Variants in NFIA observed in about 807,000 individuals in gnomAD.
The protein encoded by NFIA is nuclear factor 1 A-type.
NFIA carries 8 observed loss-of-function variants against 62.8 expected under a neutral mutation model. The observed-to-expected ratio is 0.13, with a 90% CI of 0.07 to 0.23. The LOEUF is 0.23. NFIA is among the 10% of genes least tolerant of loss of function. The pLI is 1.00. For missense variants in NFIA, 410 were observed against 642.1 expected (o/e 0.64, Z 3.91); for synonymous variants, 235 against 238.1 (o/e 0.99, Z 0.12).
chr1:61,128,915 G>GTTTTTTTTTTTTTT (rs10635152), intron 2 of NFIA, among the ~76,000 whole-genome samples: 3 of 74,138 alleles, frequency 4.0e-5, no homozygotes, highest in Non-Finnish European at 6.8e-5. Context: ...GCTTACTTAT[G>GTTTTTTTTTTTTTT]TTTTTTTTTT....
intron 10 of NFIA, among the ~76,000 whole-genome samples, chr1:61,453,812 CT>C (rs1668182784): frequency 6.6e-6 from 1 of 152,178 alleles, no homozygotes; most frequent in Admixed American, 6.5e-5. Flanking sequence ...TTCTCTCCCC[CT>C]CTTCTTTCTT....
At chr1:61,406,753 G>T in intron 9 of NFIA, 26 bp downstream of exon 9, 1 of 1,575,928 alleles carries the variant, frequency 6.3e-7, no homozygotes, top group Non-Finnish European at 8.6e-7. Context: ...ACAAGGCGCC[G>T]GTCACTTCTA....
rs376346503 is a variant in NFIA at position 61,288,581 on chromosome 1, A to T, written c.625+10996A>T. On this transcript the variant is annotated intron_variant, in intron 3 of 10. Coordinates refer to ENST00000403491, the MANE Select transcript of NFIA (RefSeq NM_001134673.4). ...ATAATCATAATAGTAGCTCACAATC[A>T]TTGTGGACTTTCTGTGTGCCAGTAT... 9.2e-5 allele frequency among the ~76,000 whole-genome samples: 14 copies of T among 152,342 alleles called. No homozygotes were observed. The East Asian group carries it at 2.1e-3, about 23-fold the overall frequency.
chr1:61,359,890 CA>C (rs1366352915), intron 6 of NFIA, among the ~76,000 whole-genome samples: 1 of 152,146 alleles, frequency 6.6e-6, no homozygotes, highest in African/African-American at 2.4e-5. Flanking sequence ...CTCGGCCTCC[CA>C]ATTGTTTTTG....
intron 2 of NFIA, among the ~76,000 whole-genome samples, chr1:61,121,643 A>G (rs1176573754): frequency 6.6e-6 from 1 of 152,198 alleles, no homozygotes; most frequent in Non-Finnish European, 1.5e-5. Context: ...TGTGTAACAT[A>G]AAAGAATCTT....
intron 9 of NFIA, among the ~76,000 whole-genome samples, chr1:61,425,244 G>T (rs1157427916): frequency 6.6e-6 from 1 of 151,968 alleles, no homozygotes; most frequent in Non-Finnish European, 1.5e-5. Context: ...CCCTAGATTT[G>T]TTTAATGAGA....
chr1:61,099,567 AT>A (rs1235308413), intron 2 of NFIA, among the ~76,000 whole-genome samples: 1 of 152,104 alleles, frequency 6.6e-6, no homozygotes, highest in Non-Finnish European at 1.5e-5. Flanking sequence ...TTTTAAAAAA[AT>A]TTTTTGGTCC....
chr1:61,140,965 GTTTTTT>G (rs35173386), intron 2 of NFIA, among the ~76,000 whole-genome samples: 1 of 88,630 alleles, frequency 1.1e-5, no homozygotes, highest in African/African-American at 4.3e-5. Flanking sequence ...CCACAGCTGG[GTTTTTT>G]TTTTTTTTTT....
At position 61,455,356 on chromosome 1, in the gene NFIA, C is replaced by T. The variant is rs1668251239; in HGVS notation, c.*36C>T. On this transcript the variant is annotated 3_prime_UTR_variant, in exon 11 of 11. Coordinates refer to ENST00000403491, the MANE Select transcript of NFIA (RefSeq NM_001134673.4). ...GTCCCACCATCCACCAGACAGACCACCTGACCCCTTCTCAACTCTGTAACA... is the reference window on the plus strand; with the variant it reads ...GTCCCACCATCCACCAGACAGACCATCTGACCCCTTCTCAACTCTGTAACA... 1 of 1,614,136 alleles carries T rather than the reference C, an allele frequency of 6.2e-7. No individual in the cohort carries two copies. The highest frequency in any genetic ancestry group is 8.5e-7 in the Non-Finnish European group (1 of 1,179,994).
chr1:61,247,673 C>G (rs1162734323), intron 2 of NFIA, among the ~76,000 whole-genome samples: 5 of 152,118 alleles, frequency 3.3e-5, no homozygotes, highest in African/African-American at 9.7e-5. Context: ...GGTCACCACT[C>G]CTGTTTTGCT....
intron 1 of NFIA, among the ~76,000 whole-genome samples, chr1:61,086,653 T>C (rs552048990): frequency 4.6e-5 from 7 of 152,278 alleles, no homozygotes; most frequent in African/African-American, 1.4e-4. Flanking sequence ...TAATATATAC[T>C]TACTTTTAAA....
chr1:61,366,750 C>G (rs1435983239), intron 6 of NFIA, among the ~76,000 whole-genome samples: 1 of 152,014 alleles, frequency 6.6e-6, no homozygotes, highest in Non-Finnish European at 1.5e-5. Context: ...TGGTGAGACC[C>G]CATCTCTGCT....
intron 9 of NFIA, among the ~76,000 whole-genome samples, chr1:61,415,659 C>T (rs115464730): frequency 0.037 from 5,631 of 152,116 alleles, 149 homozygotes; most frequent in Admixed American, 0.063. Flanking sequence ...TATTGGTAAG[C>T]ATGTGGAAAA....
At chr1:61,396,431 G>C (rs1665273244) in intron 7 of NFIA, among the ~76,000 whole-genome samples, 1 of 152,100 alleles carries the variant, frequency 6.6e-6, no homozygotes, top group South Asian at 2.1e-4. Flanking sequence ...ATTTTTTGTA[G>C]AGATGAAATC....
chr1:61,357,230 C>T lies in NFIA; in HGVS notation c.819-1917C>T, dbSNP rs78099956. ...GCTCCTCCCTTCTGGGGGTTATGTT[C>T]GAAATATCTGATAACCTGTGTGACA... On this transcript the variant is annotated intron_variant, in intron 5 of 10. Coordinates refer to ENST00000403491, the MANE Select transcript of NFIA (RefSeq NM_001134673.4). Among the ~76,000 whole-genome samples, 617 of 152,264 alleles carry T rather than the reference C, an allele frequency of 4.1e-3. 3 individuals are homozygous for T. Among genetic ancestry groups the T allele is most frequent in the African/African-American group, 0.014 (584 of 41,556 alleles).
intron 2 of NFIA, among the ~76,000 whole-genome samples, chr1:61,248,032 G>C (rs1375899711): frequency 6.6e-6 from 1 of 152,108 alleles, no homozygotes; most frequent in Non-Finnish European, 1.5e-5. Context: ...CATGTGTGCG[G>C]TGATAAGCAA....
chr1:61,226,808 G>A (rs934134153), intron 2 of NFIA, among the ~76,000 whole-genome samples: 2 of 152,202 alleles, frequency 1.3e-5, no homozygotes. Context: ...TAAGCCATAT[G>A]TATTGGGCAG....
intron 2 of NFIA, among the ~76,000 whole-genome samples, chr1:61,174,089 A>G (rs1650161435): frequency 6.6e-6 from 1 of 152,148 alleles, no homozygotes; most frequent in South Asian, 2.1e-4. Context: ...ACTGTTTGTT[A>G]TCTTTCAGCT....
At chr1:61,078,421 G>A (rs543847867), upstream of NFIA, among the ~76,000 whole-genome samples, 198 of 152,310 alleles carry the variant, frequency 1.3e-3, 1 homozygote, top group Admixed American at 2.9e-3. Flanking sequence ...GTAACTTGTG[G>A]AATGTGAAGT....
Sources: gnomAD v4.1 joint callset for allele counts (sites outside exome capture counted in the v4.1 genomes callset) on GRCh38, gnomAD v4.1.1 for gene constraint, MANE v1.5 for transcripts, NCBI Gene and HGNC (gene_info 2026-07-23, HGNC 2026-07-21) for gene names.